Variants in TMEM178B observed in about 807,000 individuals in gnomAD.
TMEM178B encodes the protein transmembrane protein 178B.
A neutral mutation model predicts 31.0 loss-of-function variants in TMEM178B; 5 were observed. The ratio of observed to expected loss-of-function variants is 0.16; its 90% CI spans 0.08 to 0.34. The LOEUF (loss-of-function observed/expected upper bound fraction) is 0.34. Among genes scored for constraint, TMEM178B ranks in the 10% least tolerant of loss-of-function variants. The pLI is 1.00. For synonymous variants in TMEM178B, 164 were observed against 164.0 expected, an observed-to-expected ratio of 1.00 and a Z score of 0.00; for missense variants, 275 against 400.3, an observed-to-expected ratio of 0.69 and a Z score of 2.67.
chr7:141,244,966 CA>C (rs1188115850), intron 2 of TMEM178B, among the ~76,000 whole-genome samples: 1 of 151,364 alleles, frequency 6.6e-6, no homozygotes, highest in Non-Finnish European at 1.5e-5. Flanking sequence ...GGAGAAACCC[CA>C]TCTCTACTAA....
At position 141,237,293 on chromosome 7, in the gene TMEM178B, G is replaced by A. The variant is rs576611790; in HGVS notation, c.496+24589G>A. 7.5e-4 allele frequency among the ~76,000 whole-genome samples: 114 copies of A among 152,320 alleles called. 5 individuals carry two copies. The South Asian group carries it at 0.023, about 31-fold the overall frequency. ...AAGGGAACAATGTGAAATATACAGA[G>A]AGTTTTAAATTCAAATTGTTCATCA... On this transcript the variant is annotated intron_variant, in intron 2 of 3. Transcript: ENST00000565468.
At chr7:141,192,897 A>T in intron 1 of TMEM178B, among the ~76,000 whole-genome samples, 1 of 152,228 alleles carries the variant, frequency 6.6e-6, no homozygotes. Context: ...CCTAATTCCC[A>T]GGGGGGAGGC....
chr7:141,112,280 G>T (rs756081056), intron 1 of TMEM178B, among the ~76,000 whole-genome samples: 5 of 152,230 alleles, frequency 3.3e-5, no homozygotes, highest in Non-Finnish European at 7.4e-5. Flanking sequence ...TAAAGGCAGA[G>T]TCTTGCTCTG....
At chr7:141,319,877 C>T (rs1303467679) in intron 2 of TMEM178B, among the ~76,000 whole-genome samples, 2 of 152,104 alleles carry the variant, frequency 1.3e-5, no homozygotes, top group Admixed American at 6.5e-5. Context: ...ATCTCAGTGC[C>T]GCTGTTTTTC....
chr7:141,503,180 G>A, the TMEM178B span, among the ~76,000 whole-genome samples: 1 of 152,206 alleles, frequency 6.6e-6, no homozygotes, highest in Admixed American at 6.5e-5. Context: ...TACACGTGGA[G>A]TCAACCTTTA....
At chr7:141,455,765 G>T (rs1801951383) in intron 3 of TMEM178B, among the ~76,000 whole-genome samples, 2 of 152,244 alleles carry the variant, frequency 1.3e-5, no homozygotes, top group African/African-American at 2.4e-5. Context: ...CCCAGTGGTG[G>T]GGTGACAGCA....
the TMEM178B span, among the ~76,000 whole-genome samples, chr7:141,493,138 C>T: frequency 1.3e-5 from 2 of 152,174 alleles, no homozygotes; most frequent in Non-Finnish European, 1.5e-5. Context: ...CCAGAATCCA[C>T]CTGAGTCCTC....
downstream of TMEM178B, among the ~76,000 whole-genome samples, chr7:141,484,356 G>A (rs1249115170): frequency 6.6e-6 from 1 of 152,078 alleles, no homozygotes; most frequent in Non-Finnish European, 1.5e-5. This position sits in a 1 kb window ranked among gnomAD's most constrained non-coding sequence, Gnocchi z 4.8. Flanking sequence ...TCCTCCACGG[G>A]TGGTTCTCGG....
chr7:141,166,702 G>A lies in TMEM178B; in HGVS notation c.383-45889G>A, dbSNP rs376891602. ...CAGGTGCTCCTTTTTAGGACAAAGA[G>A]TGGCACCAGGAACCAAGAACTTGAT... is the stretch of plus-strand genomic sequence containing the variant. On this transcript the variant is annotated intron_variant, in intron 1 of 3. Transcript: ENST00000565468. Among the ~76,000 whole-genome samples the A allele has an allele frequency of 1.4e-3, 212 of 152,350 alleles. 3 individuals are homozygous for A. The South Asian group carries it at 0.042, about 31-fold the overall frequency.
At chr7:141,417,230 G>A (rs1801115230) in intron 2 of TMEM178B, among the ~76,000 whole-genome samples, 2 of 152,198 alleles carry the variant, frequency 1.3e-5, no homozygotes. Flanking sequence ...ATCCCATAGA[G>A]ATTTAGAGCT....
intron 2 of TMEM178B, among the ~76,000 whole-genome samples, chr7:141,365,487 A>T (rs1799989004): frequency 6.6e-6 from 1 of 152,180 alleles, no homozygotes. Context: ...TCTGAGCCTC[A>T]GTTCTCCTGT....
At chr7:141,289,083 TC>T (rs1798499700) in intron 2 of TMEM178B, among the ~76,000 whole-genome samples, 1 of 152,196 alleles carries the variant, frequency 6.6e-6, no homozygotes, top group African/African-American at 2.4e-5. Flanking sequence ...CATGTATCAT[TC>T]CCTGCTTAAA....
At chr7:141,089,873 G>C (rs1174594879) in intron 1 of TMEM178B, among the ~76,000 whole-genome samples, 1 of 152,008 alleles carries the variant, frequency 6.6e-6, no homozygotes, top group African/African-American at 2.4e-5. Context: ...GGTTGGGGGA[G>C]GGGGAGGGAT....
chr7:141,332,522 C>T (rs959966503), intron 2 of TMEM178B, among the ~76,000 whole-genome samples: 1 of 152,204 alleles, frequency 6.6e-6, no homozygotes, highest in African/African-American at 2.4e-5. Flanking sequence ...ACACAACTCC[C>T]TTCATCGTCC....
intron 2 of TMEM178B, among the ~76,000 whole-genome samples, chr7:141,332,872 C>T (rs913123560): frequency 1.3e-5 from 2 of 152,186 alleles, no homozygotes; most frequent in African/African-American, 4.8e-5. Context: ...GTTTTGGGAA[C>T]TGACATATTT....
At chr7:141,105,497 A>G (rs188646222) in intron 1 of TMEM178B, among the ~76,000 whole-genome samples, 103 of 152,212 alleles carry the variant, frequency 6.8e-4, no homozygotes, top group African/African-American at 2.2e-3. Context: ...ACACAGTGAG[A>G]CTCCATCTCA....
intron 2 of TMEM178B, among the ~76,000 whole-genome samples, chr7:141,280,806 A>T (rs1235897569): frequency 1.3e-5 from 2 of 151,036 alleles, no homozygotes; most frequent in African/African-American, 2.4e-5. Context: ...TTGTGCCCAG[A>T]CCCTGGGTCT....
intron 1 of TMEM178B, among the ~76,000 whole-genome samples, chr7:141,111,658 TA>T (rs1563090781): frequency 6.6e-6 from 1 of 151,490 alleles, no homozygotes; most frequent in Non-Finnish European, 1.5e-5. Flanking sequence ...AGATGAATGT[TA>T]AAAAGTTGGA....
At chr7:141,194,222 C>T (rs755670091) in intron 1 of TMEM178B, among the ~76,000 whole-genome samples, 1 of 152,122 alleles carries the variant, frequency 6.6e-6, no homozygotes, top group Non-Finnish European at 1.5e-5. Context: ...CAGCAGTCCC[C>T]CAAAGTCTTA....
Sources: allele counts gnomAD v4.1 joint callset (sites outside exome capture counted in the v4.1 genomes callset), GRCh38; gene constraint gnomAD v4.1.1; non-coding constraint Gnocchi (gnomAD v3.1); transcripts MANE v1.5; gene names NCBI Gene and HGNC (gene_info 2026-07-23, HGNC 2026-07-21).